Variants in NEK10 observed in about 807,000 individuals in gnomAD.
NEK10 encodes the protein NIMA related kinase 10.
In NEK10, 122 loss-of-function variants were observed where a neutral mutation model predicts 159.8. That is an observed-to-expected ratio of 0.76 (90% confidence interval 0.66 to 0.89). NEK10 has a LOEUF of 0.89. Among genes scored for constraint, NEK10 ranks in the 40% least tolerant of loss-of-function variants. The pLI, the probability that NEK10 is intolerant of heterozygous loss-of-function variation, is 0.00. For synonymous variants in NEK10, 466 were observed against 457.1 expected (o/e 1.02, Z -0.25); for missense variants, 1,342 against 1,323.1 (o/e 1.01, Z -0.22).
chr3:27,178,448 T>A (rs1947745977), intron 26 of NEK10, among the ~76,000 whole-genome samples: 1 of 152,238 alleles, frequency 6.6e-6, no homozygotes, highest in South Asian at 2.1e-4. Flanking sequence ...CTTTGTGTTC[T>A]GAAATATTCA....
chr3:27,163,916 GTTAT>G (rs1035023415), intron 29 of NEK10, among the ~76,000 whole-genome samples: 1 of 152,094 alleles, frequency 6.6e-6, no homozygotes, highest in Non-Finnish European at 1.5e-5. Context: ...ACCTACCTAA[GTTAT>G]TAAGCGTAAC....
intron 31 of NEK10, among the ~76,000 whole-genome samples, chr3:27,134,935 G>C (rs1265604904): frequency 6.6e-6 from 1 of 152,104 alleles, no homozygotes; most frequent in Admixed American, 6.5e-5. Context: ...ACTCATTTAT[G>C]CGCAGTCTCA....
In NEK10 at chr3:27,202,494, G is replaced by A. The variant is rs969191279; in HGVS notation, c.2154C>T (p.Ile718=). 1 of 1,613,296 alleles carries A rather than the reference G, an allele frequency of 6.2e-7. No individual in the cohort carries two copies. The highest frequency in any genetic ancestry group is 1.3e-5 in the African/African-American group (1 of 75,024). ...EKADVWAVGC[I]LYQMATLSPP... is the part of the protein sequence containing the mutation. ...GACTCAAAGTCGCCATCTGATAAAG[G>A]ATGCAGCCTACTGCCCAGACATCAG... is the stretch of plus-strand genomic sequence containing the variant. Residue 718 remains isoleucine (I), a synonymous_variant, in exon 24 of 36, where the codon ATC becomes ATT. Transcript: ENST00000691995.
chr3:27,275,946 G>T (rs1238256483), intron 22 of NEK10, among the ~76,000 whole-genome samples: 1 of 152,098 alleles, frequency 6.6e-6, no homozygotes, highest in Non-Finnish European at 1.5e-5. Flanking sequence ...AGTGGGAACT[G>T]CTTGGACCTT....
intron 28 of NEK10, among the ~76,000 whole-genome samples, chr3:27,172,606 G>A (rs537577004): frequency 3.3e-5 from 5 of 151,950 alleles, no homozygotes; most frequent in African/African-American, 1.2e-4. Context: ...GCTAGAAGGG[G>A]AGATTTGAAA....
At chr3:27,130,030 A>G (rs1293811166) in intron 32 of NEK10, among the ~76,000 whole-genome samples, 1 of 152,168 alleles carries the variant, frequency 6.6e-6, no homozygotes, top group Non-Finnish European at 1.5e-5. Flanking sequence ...TGAAGGTATC[A>G]TCCAACTTCA....
intron 23 of NEK10, among the ~76,000 whole-genome samples, chr3:27,247,820 C>CTTTTTT (rs111440414): frequency 1.5e-3 from 190 of 125,666 alleles, no homozygotes; most frequent in African/African-American, 1.6e-3. Context: ...CTTTTCTTTT[C>CTTTTTT]TTTTTTTTTT....
chr3:27,215,029 A>G, intron 23 of NEK10: 1 of 595,148 alleles, frequency 1.7e-6, no homozygotes, highest in South Asian at 2.0e-5. Flanking sequence ...CCTGTTCCCC[A>G]CCGGCGCCTC....
At chr3:27,295,016 C>T (rs371704752) in intron 15 of NEK10, among the ~76,000 whole-genome samples, 2 of 151,996 alleles carry the variant, frequency 1.3e-5, no homozygotes, top group Admixed American at 6.5e-5. Flanking sequence ...AACACCCACT[C>T]CTCAAAAATG....
rs550172960 is a variant in NEK10, at chr3:27,247,008, C to A, written c.2090+9288G>T. 1.2e-4 allele frequency among the ~76,000 whole-genome samples: 18 copies of A among 152,190 alleles called. No homozygotes were observed. In the South Asian group the frequency reaches 3.5e-3, roughly 30 times the overall value. On this transcript the variant is annotated intron_variant, in intron 23 of 35. Transcript: ENST00000691995. ...AGTTCTAATAGTTTTTTGGTGGAGT[C>A]GTCAGGTTTTTCCAAATATAAGATC...
rs757779859 is a variant in NEK10, at chr3:27,256,358, C to A, written c.2028G>T (p.Leu676=). The A allele has an allele frequency of 6.4e-7, 1 of 1,574,452 alleles. No homozygotes were observed. Among genetic ancestry groups the A allele is most frequent in the East Asian group, 2.3e-5 (1 of 42,950 alleles). The change falls in exon 23 of 36, where the codon CTG becomes CTT. Residue 676 remains leucine, a synonymous_variant. Transcript: ENST00000691995. ...TACTGTTTTCTTGTTTTTGCTTTGC[C>A]AGGCCAAAGTCAGCTACAATTCACA... ...KDKVTVTDFG[L]AKQKQENSKL...
chr3:27,116,621 T>C (rs569712206), intron 33 of NEK10, among the ~76,000 whole-genome samples: 1 of 152,274 alleles, frequency 6.6e-6, no homozygotes, highest in South Asian at 2.1e-4. Context: ...ATATATTTAT[T>C]GCCAGAAGAC....
At chr3:27,310,878 GCTCTGAA>G in intron 9 of NEK10, 64 bp downstream of exon 9, 3 of 930,286 alleles carry the variant, frequency 3.2e-6, no homozygotes, top group Non-Finnish European at 5.2e-6. Flanking sequence ...AACCGCAAAG[GCTCTGAA>G]CTTCCCTAAT....
intron 22 of NEK10, among the ~76,000 whole-genome samples, chr3:27,267,636 G>T (rs1056270177): frequency 2.0e-5 from 3 of 152,086 alleles, no homozygotes; most frequent in African/African-American, 4.8e-5. Context: ...AAACTTAATT[G>T]CTAAACATTG....
In NEK10 at chr3:27,111,179, C is replaced by T; in HGVS notation, c.*93G>A. ...TCTTGGTCTTTTCCACACCCTCTAG[C>T]AGCACCCAATCCTTGGGCATCTTGC... On this transcript the variant is annotated 3_prime_UTR_variant, in exon 36 of 36. Transcript: ENST00000691995. 3 of 1,227,344 alleles carry T rather than the reference C, an allele frequency of 2.4e-6. No homozygotes were observed. Among genetic ancestry groups the T allele is most frequent in the East Asian group, 2.4e-5 (1 of 42,426 alleles). 76.0% of individuals were successfully genotyped at this position (1,227,344 alleles called of 1,614,324 possible). A position where few individuals can be genotyped will look rare whatever the true frequency, so the allele number is the denominator to read the frequency against.
chr3:27,322,981 C>G (rs1389248561), intron 5 of NEK10, among the ~76,000 whole-genome samples: 2 of 152,168 alleles, frequency 1.3e-5, no homozygotes, highest in African/African-American at 4.8e-5. Context: ...TGGGAGTTCT[C>G]TGCAGCCCTG....
In NEK10 at chr3:27,192,596, G is replaced by GA. The variant is rs35385101; in HGVS notation, c.2292-355dup. The stretch of plus-strand genomic sequence containing the variant: ...ATCACTGCCAACTCACTGGCAGGTG[G>GA]AAAAAAAAAAAAAAAAAGCCCAGTG... On this transcript the variant is annotated intron_variant, in intron 25 of 35. Coordinates refer to ENST00000691995, the MANE Select transcript of NEK10 (RefSeq NM_001394966.1). Among the ~76,000 whole-genome samples the GA allele has an allele frequency of 3.7e-3, 502 of 134,816 alleles. 1 individual carries two copies. Among genetic ancestry groups the GA allele is most frequent in the Non-Finnish European group, 5.6e-3 (351 of 62,860 alleles). The allele number at this position is 134,816 out of a possible 152,430, so 88.4% of individuals were successfully genotyped here.
At chr3:27,276,658 A>G (rs1038053567) in intron 22 of NEK10, among the ~76,000 whole-genome samples, 1 of 152,218 alleles carries the variant, frequency 6.6e-6, no homozygotes, top group East Asian at 1.9e-4. Context: ...ATCTCTGCCA[A>G]TGGCAGAGCA....
Position 27,337,333 on chromosome 3 carries a change from G to A in NEK10, c.362+6939C>T, listed in dbSNP as rs1252573404. Among the ~76,000 whole-genome samples, 3 of 151,990 alleles carry A rather than the reference G, an allele frequency of 2.0e-5. No homozygotes were observed. The South Asian group carries it at 6.2e-4, about 32-fold the overall frequency. On this transcript the variant is annotated intron_variant, in intron 5 of 35. Coordinates refer to ENST00000691995, the MANE Select transcript of NEK10 (RefSeq NM_001394966.1). ...TGAAAGAAACTAAGGAGGACACAAA[G>A]GAAAGACATTCCATGCTCGTGGATC...
Sources: gnomAD v4.1 joint callset for allele counts (sites outside exome capture counted in the v4.1 genomes callset) on GRCh38, gnomAD v4.1.1 for gene constraint, MANE v1.5 for transcripts, NCBI Gene and HGNC (gene_info 2026-07-23, HGNC 2026-07-21) for gene names.